NLRP7: variants seen among roughly 807,000 people sequenced by gnomAD.
NLRP7 encodes the protein NLR family pyrin domain containing 7.
In NLRP7, 72 loss-of-function variants were observed where a neutral mutation model predicts 85.5. The ratio of observed to expected loss-of-function variants is 0.84; its 90% CI spans 0.70 to 1.02. The LOEUF (loss-of-function observed/expected upper bound fraction) is 1.02, where lower values mean the gene tolerates loss of function less well. Among genes scored for constraint, NLRP7 ranks in the 50% least tolerant of loss-of-function variants. The pLI, the probability that NLRP7 is intolerant of heterozygous loss-of-function variation, is 0.00. For missense variants in NLRP7, 1,243 were observed against 1,219.5 expected (o/e 1.02, Z -0.29); for synonymous variants, 550 against 505.2 (o/e 1.09, Z -1.19).
exon 4 of NLRP7, chr19:54,940,439 A>G (rs2069173728): frequency 6.2e-7 from 1 of 1,614,042 alleles, no homozygotes; most frequent in Non-Finnish European, 8.5e-7. Flanking sequence ...CTGTTTCTCC[A>G]TTGAATTTCT....
At chr19:54,957,886 C>T (rs1017076465) in intron 1 of NLRP7, among the ~76,000 whole-genome samples, 2 of 152,032 alleles carry the variant, frequency 1.3e-5, no homozygotes, top group Non-Finnish European at 2.9e-5. Flanking sequence ...AAGACTGGCC[C>T]GGTGTACAAA....
intron 8 of NLRP7, 79 bp from the exon 9 acceptor site, chr19:54,930,745 T>C (rs1345296523): frequency 6.1e-6 from 7 of 1,147,984 alleles, no homozygotes; most frequent in East Asian, 2.4e-5. Context: ...CAACACTATA[T>C]ACCTTCCACT....
At position 54,930,912 on chromosome 19, in the gene NLRP7, A is replaced by C. The variant is rs269952; in HGVS notation, c.2643-246T>G. Among the ~76,000 whole-genome samples, 82,381 of 151,728 alleles carry C rather than the reference A, an allele frequency of 0.54. 22,671 individuals carry two copies. Among genetic ancestry groups the C allele is most frequent in the East Asian group, 0.72 (3,626 of 5,070 alleles). ...GTGGTGCACGCCTGTAGTGCCAGCT[A>C]CTCAGAAGACTGAGGCAGGAGAATC... On this transcript the variant is annotated intron_variant, in intron 8 of 9. Transcript: ENST00000340844.
At chr19:54,936,907 TCC>T in intron 5 of NLRP7, among the ~76,000 whole-genome samples, 1 of 145,760 alleles carries the variant, frequency 6.9e-6, no homozygotes, top group East Asian at 2.1e-4. Context: ...AGAGCAAGAC[TCC>T]ATCTCAAAAG....
At chr19:54,957,331 T>TTTC (rs1311275096) in intron 1 of NLRP7, among the ~76,000 whole-genome samples, 1 of 147,716 alleles carries the variant, frequency 6.8e-6, no homozygotes, top group Non-Finnish European at 1.5e-5. Flanking sequence ...CCCCTACTCC[T>TTTC]TTCTTCTTCT....
At chr19:54,951,699 T>C (rs1269589588), upstream of NLRP7, among the ~76,000 whole-genome samples, 2 of 152,144 alleles carry the variant, frequency 1.3e-5, no homozygotes, top group Non-Finnish European at 2.9e-5. Context: ...ACTGCACTTT[T>C]GCCTCCTCAT....
rs2068706400 is a variant in NLRP7 at position 54,932,169 on chromosome 19, T to TGGAA, written c.2642+1396_2642+1399dup. On this transcript the variant is annotated intron_variant, in intron 8 of 9. Coordinates refer to ENST00000340844, the Ensembl canonical transcript of NLRP7. ...TAAGCCAGGCACAGTGGCTCATGCC[T>TGGAA]GGAACGCCAGCACTTTGGGAGGCCG... Among the ~76,000 whole-genome samples the TGGAA allele has an allele frequency of 3.3e-5, 5 of 152,138 alleles. No homozygotes were observed. The South Asian group carries it at 1.0e-3, about 32-fold the overall frequency.
upstream of NLRP7, among the ~76,000 whole-genome samples, chr19:54,951,393 A>T (rs1317090461): frequency 6.6e-6 from 1 of 151,960 alleles, no homozygotes; most frequent in Non-Finnish European, 1.5e-5. Flanking sequence ...CAAAAATACA[A>T]AAATTAGCGG....
chr19:54,952,478 C>CA (rs1367402145), upstream of NLRP7, among the ~76,000 whole-genome samples: 1 of 151,842 alleles, frequency 6.6e-6, no homozygotes, highest in Non-Finnish European at 1.5e-5. Flanking sequence ...CCTGTAACCC[C>CA]AGCTACTCAG....
intron 2 of NLRP7, 67 bp downstream of exon 2, chr19:54,941,368 C>G (rs555205654): frequency 7.1e-6 from 8 of 1,131,348 alleles, no homozygotes; most frequent in South Asian, 6.3e-5. Flanking sequence ...GGCGACAGAA[C>G]GAGACTCCAT....
chr19:54,964,222 T>G (rs549391118), intron 1 of NLRP7, among the ~76,000 whole-genome samples: 55 of 113,218 alleles, frequency 4.9e-4, no homozygotes, highest in Non-Finnish European at 5.8e-4. Flanking sequence ...TTTTTTTTTT[T>G]TTTTTTTTTT....
chr19:54,940,023 T>A, exon 4 of NLRP7: 1 of 1,614,108 alleles, frequency 6.2e-7, no homozygotes, highest in Non-Finnish European at 8.5e-7. Flanking sequence ...ATGTCCTGGA[T>A]CAGCGCCCCA....
intron 1 of NLRP7, among the ~76,000 whole-genome samples, chr19:54,958,404 C>T (rs923927244): frequency 2.7e-5 from 4 of 150,940 alleles, no homozygotes; most frequent in African/African-American, 7.4e-5. Context: ...CACTTTGGGA[C>T]GCCGAGGTGG....
chr19:54,946,476 T>C (rs2146252492), intron 1 of NLRP7, among the ~76,000 whole-genome samples: 1 of 151,508 alleles, frequency 6.6e-6, no homozygotes, highest in South Asian at 2.1e-4. Flanking sequence ...ATTACAGGCG[T>C]GAGCCACCGC....
At chr19:54,936,196 G>T in intron 6 of NLRP7, 65 bp downstream of exon 6, 1 of 1,452,294 alleles carries the variant, frequency 6.9e-7, no homozygotes, top group Non-Finnish European at 9.7e-7. Flanking sequence ...CTTTTTCCTA[G>T]ATCCCCCAGC....
chr19:54,947,326 C>CA (rs55672265), intron 1 of NLRP7, 143 bp downstream of exon 1: 73,182 of 429,238 alleles, frequency 0.17, 601 homozygotes, highest in South Asian at 0.19. Context: ...GACTCCGTCT[C>CA]AAAAAAAAAA....
chr19:54,930,721 G>A (rs1161408200), intron 8 of NLRP7, 55 bp from the exon 9 acceptor site: 3 of 1,485,698 alleles, frequency 2.0e-6, no homozygotes, highest in Non-Finnish European at 2.8e-6. Context: ...AACGCCCTGT[G>A]AAGCAGTTAT....
intron 8 of NLRP7, among the ~76,000 whole-genome samples, chr19:54,932,072 T>C (rs2068702496): frequency 6.6e-6 from 1 of 152,158 alleles, no homozygotes; most frequent in Non-Finnish European, 1.5e-5. Context: ...AGGGGTATAG[T>C]GTGATGTTTT....
At chr19:54,944,497 G>A (rs1441182335) in intron 1 of NLRP7, among the ~76,000 whole-genome samples, 2 of 152,014 alleles carry the variant, frequency 1.3e-5, no homozygotes, top group Non-Finnish European at 2.9e-5. Context: ...AGATGGTAGA[G>A]ATAATGACCA....
Sources: allele counts gnomAD v4.1 joint callset (sites outside exome capture counted in the v4.1 genomes callset), GRCh38; gene constraint gnomAD v4.1.1; transcripts MANE v1.5; gene names NCBI Gene and HGNC (gene_info 2026-07-23, HGNC 2026-07-21).